MYO1H: variants seen among roughly 807,000 people sequenced by gnomAD.
MYO1H encodes the protein myosin IH.
A neutral mutation model predicts 149.3 loss-of-function variants in MYO1H; 118 were observed. The ratio of observed to expected loss-of-function variants is 0.79; its 90% CI spans 0.68 to 0.92. The LOEUF (loss-of-function observed/expected upper bound fraction) is 0.92. MYO1H is among the 40% of genes least tolerant of loss of function. The probability of loss-of-function intolerance (pLI) is 0.00; values close to 1 mark genes in which losing one functional copy is unlikely to be tolerated. For missense variants in MYO1H, 1,212 were observed against 1,280.7 expected, an observed-to-expected ratio of 0.95 and a Z score of 0.82; for synonymous variants, 447 against 465.2, an observed-to-expected ratio of 0.96 and a Z score of 0.50.
At chr12:109,351,293 T>A (rs1868455709) in intron 1 of MYO1H, among the ~76,000 whole-genome samples, 1 of 152,182 alleles carries the variant, frequency 6.6e-6, no homozygotes, top group Non-Finnish European at 1.5e-5. Context: ...TAAAAACTCT[T>A]ATGCCAGGTA....
At chr12:109,333,651 C>G in the MYO1H span, among the ~76,000 whole-genome samples, 14 of 152,290 alleles carry the variant, frequency 9.2e-5, no homozygotes, top group African/African-American at 3.1e-4. Flanking sequence ...TGGTTCCTGA[C>G]TTGCGATCCT....
intron 2 of MYO1H, 132 bp downstream of exon 2, chr12:109,388,976 A>T: frequency 3.4e-6 from 4 of 1,179,634 alleles, no homozygotes; most frequent in Non-Finnish European, 4.7e-6. Flanking sequence ...CGCCACTCTT[A>T]GATGCACTTC....
At chr12:109,323,666 G>T in the MYO1H span, among the ~76,000 whole-genome samples, 9 of 152,192 alleles carry the variant, frequency 5.9e-5, no homozygotes, top group South Asian at 2.1e-4. Context: ...GTTCTAGAAG[G>T]TCTGCTGTTT....
chr12:109,437,951 G>T (rs1198506049), intron 22 of MYO1H, among the ~76,000 whole-genome samples: 1 of 151,870 alleles, frequency 6.6e-6, no homozygotes, highest in South Asian at 2.1e-4. Flanking sequence ...AATTAGGCGT[G>T]GTGGTGCACA....
At chr12:109,420,798 C>G (rs1490153887) in intron 15 of MYO1H, among the ~76,000 whole-genome samples, 183 bp from the exon 16 acceptor site, 2 of 152,144 alleles carry the variant, frequency 1.3e-5, no homozygotes, top group Non-Finnish European at 2.9e-5. Flanking sequence ...TCCCACAATG[C>G]ATGGGACAGC....
the MYO1H span, among the ~76,000 whole-genome samples, chr12:109,310,658 G>A: frequency 6.6e-6 from 1 of 152,142 alleles, no homozygotes; most frequent in Non-Finnish European, 1.5e-5. Flanking sequence ...AGAACTCAGG[G>A]CTCCCCTGGA....
intron 1 of MYO1H, among the ~76,000 whole-genome samples, chr12:109,351,129 G>A (rs1868453749): frequency 6.6e-6 from 1 of 152,184 alleles, no homozygotes; most frequent in African/African-American, 2.4e-5. Context: ...CAAGTAATAT[G>A]TTGGGTTCAG....
At chr12:109,340,370 T>C in the MYO1H span, among the ~76,000 whole-genome samples, 4 of 152,154 alleles carry the variant, frequency 2.6e-5, no homozygotes, top group African/African-American at 9.7e-5. Flanking sequence ...GGTTTCACCA[T>C]GTTGGCCAGG....
intron 1 of MYO1H, among the ~76,000 whole-genome samples, chr12:109,354,756 G>A (rs1213655801): frequency 6.6e-6 from 1 of 152,282 alleles, no homozygotes; most frequent in African/African-American, 2.4e-5. Flanking sequence ...TCTGGCTAAA[G>A]AGCTTGTATA....
chr12:109,367,539 GTATT>G lies in MYO1H; in HGVS notation c.12+19586_12+19589del, dbSNP rs547332101. On this transcript the variant is annotated intron_variant, in intron 1 of 31. Coordinates refer to ENST00000310903, the Ensembl canonical transcript of MYO1H. Reference sequence around the variant, plus strand: ...TCTTTTATATTTATTTATTATTCATGTATTTATTTATTTATTTATTTACTTATTT... The same window carrying G: ...TCTTTTATATTTATTTATTATTCATGTATTTATTTATTTATTTACTTATTT... 6.9e-3 allele frequency among the ~76,000 whole-genome samples: 1,049 copies of G among 151,908 alleles called. 16 individuals carry two copies. Among genetic ancestry groups the G allele is most frequent in the Non-Finnish European group, 6.8e-3 (464 of 67,956 alleles).
chr12:109,323,837 A>C, the MYO1H span, among the ~76,000 whole-genome samples: 1 of 152,104 alleles, frequency 6.6e-6, no homozygotes, highest in Non-Finnish European at 1.5e-5. Flanking sequence ...TAGTGACATA[A>C]AATCACCCTT....
intron 1 of MYO1H, among the ~76,000 whole-genome samples, chr12:109,375,460 C>T (rs1323488705): frequency 6.6e-6 from 1 of 152,140 alleles, no homozygotes; most frequent in Non-Finnish European, 1.5e-5. Context: ...GCCAGCCATT[C>T]AATTTTATAT....
exon 28 of MYO1H, chr12:109,443,537 T>C (rs377468336): frequency 1.3e-4 from 214 of 1,613,692 alleles, no homozygotes; most frequent in Non-Finnish European, 1.8e-4. Flanking sequence ...TCATTAAATA[T>C]GACAGAAAAG....
At chr12:109,341,742 G>A in the MYO1H span, among the ~76,000 whole-genome samples, 1 of 152,230 alleles carries the variant, frequency 6.6e-6, no homozygotes, top group Non-Finnish European at 1.5e-5. Context: ...TAAGGAAGTT[G>A]TCAGTGATGA....
intron 1 of MYO1H, among the ~76,000 whole-genome samples, chr12:109,383,950 C>A (rs1040701259): frequency 1.3e-5 from 2 of 152,178 alleles, no homozygotes; most frequent in African/African-American, 4.8e-5. Context: ...CTTGAATCCC[C>A]TGCTTTTAGA....
rs187588087 is a variant in MYO1H at position 109,380,169 on chromosome 12, A to G, written c.13-8514A>G. Among the ~76,000 whole-genome samples, 379 of 152,240 alleles carry G rather than the reference A, an allele frequency of 2.5e-3. 1 individual carries two copies. Among genetic ancestry groups the G allele is most frequent in the Admixed American group, 0.022 (339 of 15,284 alleles). ...CTCAGCCTCCCAAAGTGCTGGGATT[A>G]CACATGACAGCCACCGCACCCAGGC... On this transcript the variant is annotated intron_variant, in intron 1 of 31. Coordinates refer to ENST00000310903, the Ensembl canonical transcript of MYO1H.
At chr12:109,393,406 C>T (rs889008818) in exon 3 of MYO1H, 10 of 1,588,666 alleles carry the variant, frequency 6.3e-6, no homozygotes, top group African/African-American at 5.4e-5. Context: ...CCAGATGGAA[C>T]TTTATCAAGG....
At chr12:109,334,381 G>A in the MYO1H span, among the ~76,000 whole-genome samples, 1 of 152,142 alleles carries the variant, frequency 6.6e-6, no homozygotes, top group African/African-American at 2.4e-5. Context: ...TTGCTATGTT[G>A]CTCAGGCTGG....
the MYO1H span, among the ~76,000 whole-genome samples, chr12:109,324,349 G>T: frequency 6.6e-6 from 1 of 152,334 alleles, no homozygotes; most frequent in African/African-American, 2.4e-5. Context: ...TTACAAGTAA[G>T]TCACAAGCCA....
Sources: allele counts gnomAD v4.1 joint callset (sites outside exome capture counted in the v4.1 genomes callset), GRCh38; gene constraint gnomAD v4.1.1; transcripts MANE v1.5; gene names NCBI Gene and HGNC (gene_info 2026-07-23, HGNC 2026-07-21).